The following TFPI variants were observed in gnomAD, a reference collection of about 807,000 sequenced individuals.
TFPI encodes the protein anti-convertin.
A neutral mutation model predicts 34.6 loss-of-function variants in TFPI; 15 were observed. That is an observed-to-expected ratio of 0.43 (90% CI 0.29 to 0.67). The LOEUF (loss-of-function observed/expected upper bound fraction) is 0.67, where lower values mean the gene tolerates loss of function less well. Ranked by LOEUF, TFPI falls within the 30% of genes least tolerant of loss-of-function variation. The pLI is 0.15. For missense variants in TFPI, 301 were observed against 364.0 expected, an observed-to-expected ratio of 0.83 and a Z score of 1.41; for synonymous variants, 105 against 120.1, an observed-to-expected ratio of 0.87 and a Z score of 0.82.
chr2:187,521,958 A>C (rs1687399986), intron 1 of TFPI, among the ~76,000 whole-genome samples: 1 of 152,172 alleles, frequency 6.6e-6, no homozygotes, highest in Non-Finnish European at 1.5e-5. Context: ...CTGATATCTC[A>C]TTATTATTTG....
intron 1 of TFPI, among the ~76,000 whole-genome samples, chr2:187,541,208 A>C (rs1291505420): frequency 6.6e-6 from 1 of 152,204 alleles, no homozygotes; most frequent in African/African-American, 2.4e-5. Flanking sequence ...GAATATCAGA[A>C]AGCCAGAAGT....
intron 1 of TFPI, among the ~76,000 whole-genome samples, chr2:187,522,778 C>A (rs1314152972): frequency 6.8e-6 from 1 of 147,562 alleles, no homozygotes; most frequent in African/African-American, 2.5e-5. Context: ...GTAGTCCCAA[C>A]TACTCGGGAG....
intron 1 of TFPI, among the ~76,000 whole-genome samples, chr2:187,552,756 A>T (rs1574550680): frequency 6.6e-6 from 1 of 152,206 alleles, no homozygotes; most frequent in Non-Finnish European, 1.5e-5. Flanking sequence ...CCTAATAGAG[A>T]TAGGAATCAA....
intron 2 of TFPI, among the ~76,000 whole-genome samples, chr2:187,497,615 C>G (rs890483831): frequency 9.2e-5 from 14 of 151,924 alleles, no homozygotes; most frequent in African/African-American, 3.4e-4. Context: ...ACTTACCATA[C>G]CATGCTTGGG....
chr2:187,477,270 C>T (rs543291959), intron 6 of TFPI, among the ~76,000 whole-genome samples: 1 of 152,130 alleles, frequency 6.6e-6, no homozygotes, highest in Non-Finnish European at 1.5e-5. Flanking sequence ...TTGCTGGGTG[C>T]TGTCCAAAAC....
intron 1 of TFPI, among the ~76,000 whole-genome samples, chr2:187,528,449 T>G (rs1687790612): frequency 6.6e-6 from 1 of 152,140 alleles, no homozygotes; most frequent in Non-Finnish European, 1.5e-5. Flanking sequence ...GGCTAAAGAG[T>G]TGAAAAGAGC....
At chr2:187,536,558 TA>T (rs751330391) in intron 1 of TFPI, among the ~76,000 whole-genome samples, 3 of 152,174 alleles carry the variant, frequency 2.0e-5, no homozygotes, top group Admixed American at 6.5e-5. Context: ...AAACTCTCAA[TA>T]AACTTGGTAT....
intron 1 of TFPI, chr2:187,544,560 G>C (rs1476323659): frequency 6.6e-6 from 1 of 151,734 alleles, no homozygotes; most frequent in Non-Finnish European, 1.5e-5. Context: ...TGGCTAGCTT[G>C]AGCCCAGGGG....
At position 187,467,070 on chromosome 2, in the gene TFPI, G is replaced by A. The variant is rs142361362; in HGVS notation, c.809-28C>T. On this transcript the variant is annotated intron_variant, in intron 7 of 7. Coordinates refer to ENST00000233156, the MANE Select transcript of TFPI (RefSeq NM_006287.6). ...ATAAGAGGAAGAGGAATAAATTAAT[G>A]TGTGATAAAATAACACAATGAAATG... 1.5e-4 allele frequency: 200 copies of A among 1,362,464 alleles called. 1 individual carries two copies. The highest frequency in any genetic ancestry group is 9.9e-4 in the African/African-American group (67 of 67,842). The allele number at this position is 1,362,464 out of a possible 1,614,324, so 84.4% of individuals were successfully genotyped here. A position where few individuals can be genotyped will look rare whatever the true frequency, so the allele number is the denominator to read the frequency against.
At chr2:187,486,398 A>G (rs1200777053) in intron 4 of TFPI, among the ~76,000 whole-genome samples, 1 of 151,620 alleles carries the variant, frequency 6.6e-6, no homozygotes, top group Non-Finnish European at 1.5e-5. Flanking sequence ...AATATTGCAT[A>G]TAAAAAACAT....
chr2:187,473,769 G>A (rs1286567110), intron 6 of TFPI, among the ~76,000 whole-genome samples: 3 of 151,096 alleles, frequency 2.0e-5, no homozygotes, highest in East Asian at 1.9e-4. Context: ...AAAAAAAAAC[G>A]GGGAAGGGAA....
chr2:187,470,493 A>G (rs1402527183), intron 6 of TFPI, among the ~76,000 whole-genome samples: 1 of 152,208 alleles, frequency 6.6e-6, no homozygotes, highest in African/African-American at 2.4e-5. Context: ...CTCTGTTATC[A>G]TAGACCAAGA....
intron 1 of TFPI, among the ~76,000 whole-genome samples, chr2:187,534,026 A>G (rs1168452034): frequency 6.6e-6 from 1 of 152,182 alleles, no homozygotes; most frequent in East Asian, 1.9e-4. Context: ...AAAAAAAAGA[A>G]TGAAAAGGAA....
intron 1 of TFPI, among the ~76,000 whole-genome samples, chr2:187,539,085 AGTGTGT>A (rs10608725): frequency 3.3e-5 from 5 of 150,254 alleles, no homozygotes; most frequent in South Asian, 2.1e-4. Context: ...GCCTAAATAG[AGTGTGT>A]GTGTGTGTGT....
chr2:187,495,815 T>C (rs1013793767), intron 3 of TFPI, among the ~76,000 whole-genome samples: 3 of 152,104 alleles, frequency 2.0e-5, no homozygotes, highest in African/African-American at 7.2e-5. Context: ...ACCTCAATTG[T>C]ATCCAACCAG....
intron 1 of TFPI, among the ~76,000 whole-genome samples, chr2:187,522,014 T>A (rs1164793224): frequency 6.6e-6 from 1 of 152,178 alleles, no homozygotes; most frequent in Non-Finnish European, 1.5e-5. Flanking sequence ...TCTTTATATA[T>A]CTTATTTGTA....
chr2:187,538,672 A>C (rs1688401962), intron 1 of TFPI, among the ~76,000 whole-genome samples: 1 of 152,172 alleles, frequency 6.6e-6, no homozygotes, highest in South Asian at 2.1e-4. Flanking sequence ...CCACCATGGC[A>C]CTTGTATACC....
chr2:187,533,532 G>A (rs1046426237), intron 1 of TFPI, among the ~76,000 whole-genome samples: 1 of 152,088 alleles, frequency 6.6e-6, no homozygotes, highest in Admixed American at 6.6e-5. Context: ...TCAACAAAGA[G>A]GACATCCACA....
At chr2:187,477,041 A>G (rs1439848412) in intron 6 of TFPI, among the ~76,000 whole-genome samples, 1 of 152,166 alleles carries the variant, frequency 6.6e-6, no homozygotes. Context: ...AAAGATATCT[A>G]TATATTATTC....
Sources: allele counts gnomAD v4.1 joint callset (sites outside exome capture counted in the v4.1 genomes callset), GRCh38; gene constraint gnomAD v4.1.1; transcripts MANE v1.5; gene names NCBI Gene and HGNC (gene_info 2026-07-23, HGNC 2026-07-21).